The following ERBIN variants were observed in gnomAD, a reference collection of about 807,000 sequenced individuals.
The protein encoded by ERBIN is densin-180-like protein.
ERBIN carries 60 observed loss-of-function variants against 158.4 expected under a neutral mutation model. The ratio of observed to expected loss-of-function variants is 0.38; its 90% confidence interval spans 0.31 to 0.47. ERBIN has a LOEUF of 0.47. ERBIN is among the 20% of genes least tolerant of loss of function. The pLI is 0.99. For synonymous variants in ERBIN, 594 were observed against 557.2 expected (o/e 1.07, Z -0.93); for missense variants, 1,610 against 1,648.0 (o/e 0.98, Z 0.40).
chr5:66,029,954 A>G (rs1756680954), intron 14 of ERBIN, among the ~76,000 whole-genome samples: 1 of 152,100 alleles, frequency 6.6e-6, no homozygotes, highest in African/African-American at 2.4e-5. Flanking sequence ...ATGTTAATCC[A>G]TGGTTATGAA....
chr5:66,056,384 G>A (rs114823439), intron 21 of ERBIN, among the ~76,000 whole-genome samples: 1 of 152,090 alleles, frequency 6.6e-6, no homozygotes, highest in Admixed American at 6.6e-5. Flanking sequence ...TAGAGGAGGA[G>A]TAGGAGATTT....
intron 18 of ERBIN, among the ~76,000 whole-genome samples, chr5:66,047,076 A>C (rs1328523156): frequency 6.6e-6 from 1 of 152,086 alleles, no homozygotes; most frequent in Non-Finnish European, 1.5e-5. Context: ...GACTTTTAGA[A>C]CATGTTTCTC....
intron 8 of ERBIN, 96 bp from the exon 9 acceptor site, chr5:66,023,194 A>C: frequency 1.2e-6 from 1 of 849,598 alleles, no homozygotes; most frequent in Non-Finnish European, 1.9e-6. Context: ...ATTTGAAACT[A>C]AAGGTTATTA....
intron 1 of ERBIN, among the ~76,000 whole-genome samples, chr5:65,937,802 G>A (rs1200075728): frequency 1.3e-5 from 2 of 152,136 alleles, no homozygotes; most frequent in South Asian, 2.1e-4. Flanking sequence ...CCAGCTACTC[G>A]GGAGGCTGAG....
At position 66,078,508 on chromosome 5, in the gene ERBIN, T is replaced by C; in HGVS notation, c.4217T>C (p.Ile1406Thr). The change falls in exon 26 of 26, where the codon ATT becomes ACT. Residue 1406 changes from isoleucine to threonine, a missense_variant. Around this residue, in one of 2 missense-constraint regions of ERBIN, gnomAD observed 1,014 missense variants for 936.1 expected, o/e 1.08. Transcript: ENST00000284037. ...TTCCAGAATACAGTTGAACTCATCATTGTACGAGAAGTTTCCTCATAAGCA... is the reference window on the plus strand; with the variant it reads ...TTCCAGAATACAGTTGAACTCATCACTGTACGAGAAGTTTCCTCATAAGCA... ...KTFQNTVELI[I>T]VREVSS 6.2e-7 allele frequency: 1 copy of C among 1,607,350 alleles called. No individual in the cohort carries two copies. Among genetic ancestry groups the C allele is most frequent in the Non-Finnish European group, 8.5e-7 (1 of 1,177,350 alleles).
Position 66,079,504 on chromosome 5 carries a change from T to G in ERBIN, c.*974T>G, listed in dbSNP as rs1208090143. 6.6e-6 allele frequency: 1 copy of G among 152,580 alleles called. No homozygotes were observed. The highest frequency in any genetic ancestry group is 1.5e-5 in the Non-Finnish European group (1 of 68,032). The allele number at this position is 152,580 out of a possible 1,614,324, so 9.5% of individuals were successfully genotyped here. A position where few individuals can be genotyped will look rare whatever the true frequency, so the allele number is the denominator to read the frequency against. ...TGGCCAGTTTTAAGATTGTGTTGCC[T>G]GTAACACAAAATGTTACGAAGGTTT... On this transcript the variant is annotated 3_prime_UTR_variant, in exon 26 of 26. Coordinates refer to ENST00000284037, the MANE Select transcript of ERBIN (RefSeq NM_001253697.2).
intron 21 of ERBIN, among the ~76,000 whole-genome samples, chr5:66,069,330 T>C (rs1761322616): frequency 6.6e-6 from 1 of 152,242 alleles, no homozygotes; most frequent in African/African-American, 2.4e-5. Context: ...ATTAAACTTT[T>C]CTATTCCTAA....
At position 66,014,711 on chromosome 5, in the gene ERBIN, A is replaced by G. The variant is rs746593830; in HGVS notation, c.519A>G (p.Leu173=). ...TATTAGAGCTTAGAGAAAACCAGTT[A>G]AAAATGTTGCCTAAGTAAGTAAAGG... The part of the protein sequence containing the change: ...LQILELRENQ[L]KMLPKTMNRL... The change falls in exon 7 of 26, where the codon TTA becomes TTG. Residue 173 remains leucine, a synonymous_variant. Coordinates refer to ENST00000284037, the MANE Select transcript of ERBIN (RefSeq NM_001253697.2). 3.5e-6 allele frequency: 5 copies of G among 1,447,810 alleles called. No homozygotes were observed. The highest frequency in any genetic ancestry group is 4.7e-6 in the Non-Finnish European group (5 of 1,069,688). 89.7% of individuals were successfully genotyped at this position (1,447,810 alleles called of 1,614,324 possible). A position where few individuals can be genotyped will look rare whatever the true frequency, so the allele number is the denominator to read the frequency against.
chr5:66,015,304 T>G (rs1357487565), intron 7 of ERBIN, among the ~76,000 whole-genome samples: 1 of 152,218 alleles, frequency 6.6e-6, no homozygotes, highest in Non-Finnish European at 1.5e-5. Context: ...TAAAACACTG[T>G]GAATGCATTG....
intron 6 of ERBIN, 104 bp from the exon 7 acceptor site, chr5:66,014,565 A>G (rs1419363206): frequency 3.6e-6 from 2 of 548,518 alleles, no homozygotes; most frequent in Admixed American, 7.9e-5. Flanking sequence ...TGCAATTAGT[A>G]ATTACACAAT....
At chr5:65,928,593 CTA>C (rs1473084346) in intron 1 of ERBIN, among the ~76,000 whole-genome samples, 1 of 152,098 alleles carries the variant, frequency 6.6e-6, no homozygotes, top group Non-Finnish European at 1.5e-5. Context: ...ATTTAAGCCT[CTA>C]TTTTTAGATT....
At chr5:66,018,241 TGA>T in intron 7 of ERBIN, among the ~76,000 whole-genome samples, 1 of 150,362 alleles carries the variant, frequency 6.7e-6, no homozygotes, top group African/African-American at 2.4e-5. Context: ...GGGATGACAT[TGA>T]ATCTGTACAT....
At chr5:65,994,648 A>C (rs1287780781) in intron 3 of ERBIN, 99 bp from the exon 4 acceptor site, 1 of 652,244 alleles carries the variant, frequency 1.5e-6, no homozygotes, top group Non-Finnish European at 2.6e-6. Context: ...AGTGTAGGTT[A>C]TAACTCATTC....
At chr5:65,961,688 TACTA>T (rs1011618094) in intron 1 of ERBIN, among the ~76,000 whole-genome samples, 1 of 152,198 alleles carries the variant, frequency 6.6e-6, no homozygotes, top group Non-Finnish European at 1.5e-5. Context: ...TATTTTGTAA[TACTA>T]AGTATGACTA....
At chr5:65,958,630 G>A (rs1747556058) in intron 1 of ERBIN, among the ~76,000 whole-genome samples, 1 of 150,302 alleles carries the variant, frequency 6.7e-6, no homozygotes, top group Admixed American at 6.6e-5. Flanking sequence ...GGAGACCGTG[G>A]GGAGAGGGGG....
intron 11 of ERBIN, 70 bp downstream of exon 11, chr5:66,025,622 AGG>A: frequency 8.3e-7 from 1 of 1,203,526 alleles, no homozygotes; most frequent in Non-Finnish European, 1.2e-6. Flanking sequence ...ACATATTTTC[AGG>A]TATTTGCATA....
At chr5:65,948,771 T>TTTG (rs202237074) in intron 1 of ERBIN, among the ~76,000 whole-genome samples, 4,436 of 144,814 alleles carry the variant, frequency 0.031, 232 homozygotes, top group African/African-American at 0.071. Flanking sequence ...CGTTTTTTTT[T>TTTG]TTTTTTTTTT....
At chr5:66,007,182 A>G (rs1271970591) in intron 4 of ERBIN, among the ~76,000 whole-genome samples, 1 of 151,024 alleles carries the variant, frequency 6.6e-6, no homozygotes, top group Non-Finnish European at 1.5e-5. Context: ...AATGTGGCAC[A>G]TATACACCAT....
At chr5:65,936,078 A>G (rs2150855941) in intron 1 of ERBIN, among the ~76,000 whole-genome samples, 1 of 152,044 alleles carries the variant, frequency 6.6e-6, no homozygotes, top group Middle Eastern at 3.4e-3. Context: ...GAAGTCTTGA[A>G]GCACCTAATA....
Sources: gnomAD v4.1 joint callset for allele counts (sites outside exome capture counted in the v4.1 genomes callset) on GRCh38, gnomAD v4.1.1 for gene constraint, gnomAD v4.1.1 regional missense constraint, MANE v1.5 for transcripts, NCBI Gene and HGNC (gene_info 2026-07-23, HGNC 2026-07-21) for gene names.